The following ROBO1 variants were observed in gnomAD, a reference collection of about 807,000 sequenced individuals.
ROBO1 encodes roundabout homolog 1.
ROBO1 carries 149 observed loss-of-function variants against 195.9 expected under a neutral mutation model. That is an observed-to-expected ratio of 0.76 (90% CI 0.67 to 0.87). The LOEUF (loss-of-function observed/expected upper bound fraction) is 0.87. Among genes scored for constraint, ROBO1 ranks in the 40% least tolerant of loss-of-function variants. The pLI is 0.00. For synonymous variants in ROBO1, 816 were observed against 733.2 expected, an observed-to-expected ratio of 1.11 and a Z score of -1.82; for missense variants, 1,933 against 2,068.3, an observed-to-expected ratio of 0.93 and a Z score of 1.27.
At chr3:78,852,103 A>C (rs563709945) in intron 4 of ROBO1, among the ~76,000 whole-genome samples, 2 of 152,238 alleles carry the variant, frequency 1.3e-5, no homozygotes, top group African/African-American at 4.8e-5. Flanking sequence ...ATTTAGAATC[A>C]GTTCCTAGGA....
At chr3:79,077,737 G>C (rs575695171) in intron 3 of ROBO1, among the ~76,000 whole-genome samples, 2 of 151,890 alleles carry the variant, frequency 1.3e-5, no homozygotes, top group African/African-American at 4.8e-5. Flanking sequence ...ACAATTTAAA[G>C]GTTGAATTTG....
intron 1 of ROBO1, among the ~76,000 whole-genome samples, chr3:79,633,744 A>G (rs1945415701): frequency 6.6e-6 from 1 of 152,068 alleles, no homozygotes; most frequent in Non-Finnish European, 1.5e-5. Context: ...AAACACAAGA[A>G]AAAATAACCT....
At chr3:79,354,156 C>T (rs1343168695) in intron 2 of ROBO1, among the ~76,000 whole-genome samples, 1 of 152,138 alleles carries the variant, frequency 6.6e-6, no homozygotes, top group South Asian at 2.1e-4. Context: ...ACTTCTACAA[C>T]ACTATAACAA....
intron 2 of ROBO1, among the ~76,000 whole-genome samples, chr3:79,175,229 T>C (rs933522349): frequency 1.3e-5 from 2 of 152,214 alleles, no homozygotes; most frequent in African/African-American, 4.8e-5. Context: ...ATAGCATTTA[T>C]TGATAATTTT....
chr3:78,842,991 A>G (rs989477842), intron 4 of ROBO1, among the ~76,000 whole-genome samples: 4 of 152,112 alleles, frequency 2.6e-5, no homozygotes, highest in Non-Finnish European at 4.4e-5. Flanking sequence ...TGGATAAAGT[A>G]TTTAATTCAC....
chr3:79,230,446 T>A (rs1241647268), intron 2 of ROBO1, among the ~76,000 whole-genome samples: 2 of 151,992 alleles, frequency 1.3e-5, no homozygotes, highest in Non-Finnish European at 2.9e-5. Context: ...CAGAGTCCCC[T>A]CCCATGTTGA....
chr3:79,640,635 C>T (rs1945631776), intron 1 of ROBO1, among the ~76,000 whole-genome samples: 1 of 152,112 alleles, frequency 6.6e-6, no homozygotes, highest in African/African-American at 2.4e-5. Flanking sequence ...TTAAAGACAC[C>T]TCCCTTTAGT....
intron 2 of ROBO1, among the ~76,000 whole-genome samples, chr3:79,298,586 C>G (rs1003521392): frequency 2.0e-5 from 3 of 151,966 alleles, no homozygotes. Context: ...TGGGGATGTT[C>G]TGAAACAGAA....
chr3:79,654,679 G>A (rs1027686690), intron 1 of ROBO1, among the ~76,000 whole-genome samples: 4 of 151,800 alleles, frequency 2.6e-5, no homozygotes, highest in East Asian at 3.9e-4. Flanking sequence ...CTAATTTCAC[G>A]AAATCAGTTG....
At chr3:79,463,013 T>A (rs189123147) in intron 2 of ROBO1, among the ~76,000 whole-genome samples, 18 of 152,336 alleles carry the variant, frequency 1.2e-4, no homozygotes, top group Admixed American at 1.1e-3. Context: ...TATTTTAAGT[T>A]TGCTGAAAAC....
chr3:79,571,563 A>G (rs1943279780), intron 2 of ROBO1, among the ~76,000 whole-genome samples: 2 of 152,102 alleles, frequency 1.3e-5, no homozygotes, highest in Admixed American at 1.3e-4. Context: ...ACATGAAAAT[A>G]AAGACAACAG....
chr3:79,747,873 T>C (rs1216070710), intron 1 of ROBO1, among the ~76,000 whole-genome samples: 1 of 151,948 alleles, frequency 6.6e-6, no homozygotes, highest in African/African-American at 2.4e-5. Flanking sequence ...AACACCACTA[T>C]AAAGAGAAAA....
At chr3:79,638,641 T>C (rs1945567255) in intron 1 of ROBO1, among the ~76,000 whole-genome samples, 1 of 152,170 alleles carries the variant, frequency 6.6e-6, no homozygotes, top group Non-Finnish European at 1.5e-5. Context: ...GAGATAAATT[T>C]CATTATTTCC....
At chr3:79,701,728 C>T (rs1947626987) in intron 1 of ROBO1, among the ~76,000 whole-genome samples, 1 of 151,552 alleles carries the variant, frequency 6.6e-6, no homozygotes, top group South Asian at 2.1e-4. Context: ...TTGTCTAGCA[C>T]CAAGTGAGAT....
At chr3:78,727,363 A>G (rs1444235896) in intron 5 of ROBO1, among the ~76,000 whole-genome samples, 1 of 152,212 alleles carries the variant, frequency 6.6e-6, no homozygotes, top group African/African-American at 2.4e-5. Context: ...GCGGTGGCTC[A>G]TGCCTGTAAT....
At chr3:79,452,381 C>T (rs2107204309) in intron 2 of ROBO1, among the ~76,000 whole-genome samples, 1 of 152,156 alleles carries the variant, frequency 6.6e-6, no homozygotes. Context: ...TTGAGAGAGG[C>T]CTTCTCTTAT....
intron 2 of ROBO1, among the ~76,000 whole-genome samples, chr3:79,183,079 T>TAAAAAAAA (rs2081374210): frequency 1.0e-5 from 1 of 95,450 alleles, no homozygotes. Context: ...AGACTCCAAC[T>TAAAAAAAA]CAAAAAAAAA....
At chr3:79,548,011 T>C (rs1448765170) in intron 2 of ROBO1, among the ~76,000 whole-genome samples, 1 of 152,184 alleles carries the variant, frequency 6.6e-6, no homozygotes, top group Non-Finnish European at 1.5e-5. Flanking sequence ...TGAGGACATA[T>C]GAGCAAGTTT....
chr3:79,442,405 A>G (rs1018746412), intron 2 of ROBO1, among the ~76,000 whole-genome samples: 5 of 152,180 alleles, frequency 3.3e-5, no homozygotes, highest in African/African-American at 1.2e-4. Context: ...TTTCCATAGT[A>G]TCTGTTTTCC....
Sources: gnomAD v4.1 joint callset for allele counts (sites outside exome capture counted in the v4.1 genomes callset) on GRCh38, gnomAD v4.1.1 for gene constraint, MANE v1.5 for transcripts, NCBI Gene and HGNC (gene_info 2026-07-23, HGNC 2026-07-21) for gene names.